Variants in CAMK4 observed in about 807,000 individuals in gnomAD.
CAMK4 encodes calcium/calmodulin-dependent protein kinase type IV.
Under a neutral mutation model 44.9 loss-of-function variants are expected in CAMK4, and 22 were observed. The observed-to-expected ratio is 0.49, with a 90% CI of 0.35 to 0.70. The LOEUF is 0.70. CAMK4 is among the 30% of genes least tolerant of loss of function. The pLI is 0.01. For synonymous variants in CAMK4, 218 were observed against 215.4 expected, an observed-to-expected ratio of 1.01 and a Z score of -0.11; for missense variants, 498 against 586.8, an observed-to-expected ratio of 0.85 and a Z score of 1.56.
At chr5:111,409,563 T>C (rs906632921) in intron 5 of CAMK4, among the ~76,000 whole-genome samples, 2 of 152,222 alleles carry the variant, frequency 1.3e-5, no homozygotes, top group Non-Finnish European at 2.9e-5. Flanking sequence ...GTCTTGGTGA[T>C]TAACATTTGG....
chr5:111,344,687 G>C (rs1433517565), intron 2 of CAMK4, among the ~76,000 whole-genome samples: 2 of 151,632 alleles, frequency 1.3e-5, no homozygotes, highest in East Asian at 3.9e-4. Context: ...AAAAAGGAAG[G>C]TTTTTGTTTT....
At chr5:111,413,656 T>C (rs1207301251) in intron 5 of CAMK4, among the ~76,000 whole-genome samples, 1 of 150,974 alleles carries the variant, frequency 6.6e-6, no homozygotes, top group Non-Finnish European at 1.5e-5. Context: ...AATTTTGAAA[T>C]AGAAAACATG....
intron 5 of CAMK4, among the ~76,000 whole-genome samples, chr5:111,437,181 T>A (rs1753675535): frequency 6.6e-6 from 1 of 152,220 alleles, no homozygotes; most frequent in Non-Finnish European, 1.5e-5. Flanking sequence ...CTAAGAGCCA[T>A]GCTTCTGCTA....
intron 4 of CAMK4, among the ~76,000 whole-genome samples, chr5:111,377,941 C>G (rs1200308153): frequency 2.0e-5 from 3 of 152,028 alleles, no homozygotes; most frequent in African/African-American, 7.2e-5. Flanking sequence ...AATGAATGGA[C>G]TCTGAGGAGA....
At chr5:111,313,443 T>G (rs1430777048) in intron 1 of CAMK4, among the ~76,000 whole-genome samples, 1 of 152,094 alleles carries the variant, frequency 6.6e-6, no homozygotes, top group Non-Finnish European at 1.5e-5. Flanking sequence ...CACACAACTT[T>G]TCTCAAAAAT....
At chr5:111,264,167 G>C (rs964791283) in intron 1 of CAMK4, among the ~76,000 whole-genome samples, 2 of 152,194 alleles carry the variant, frequency 1.3e-5, no homozygotes, top group Non-Finnish European at 2.9e-5. Flanking sequence ...GGGTGGAGTT[G>C]TGTTGTTGTC....
chr5:111,298,542 TTC>T (rs1478348967), intron 1 of CAMK4, among the ~76,000 whole-genome samples: 1 of 152,152 alleles, frequency 6.6e-6, no homozygotes, highest in Non-Finnish European at 1.5e-5. Flanking sequence ...GAGGCCACTG[TTC>T]TCCCCACGTT....
chr5:111,330,052 A>AT (rs200493608), intron 1 of CAMK4, among the ~76,000 whole-genome samples: 3,701 of 150,490 alleles, frequency 0.025, 73 homozygotes, highest in Non-Finnish European at 0.037. Flanking sequence ...GATAAAACAT[A>AT]TTTTTTTTGG....
chr5:111,441,219 C>G (rs960827748), intron 5 of CAMK4, among the ~76,000 whole-genome samples: 2 of 152,152 alleles, frequency 1.3e-5, no homozygotes, highest in African/African-American at 2.4e-5. Context: ...TTAAACAGAA[C>G]TTAGCAGAGA....
At chr5:111,406,064 A>G (rs1265530595) in intron 5 of CAMK4, among the ~76,000 whole-genome samples, 3 of 57,994 alleles carry the variant, frequency 5.2e-5, no homozygotes, top group Admixed American at 3.7e-4. Flanking sequence ...TTAGCATTAC[A>G]TTCTTTTTTT....
chr5:111,353,609 T>G (rs1365701599), intron 2 of CAMK4, among the ~76,000 whole-genome samples: 1 of 152,076 alleles, frequency 6.6e-6, no homozygotes, highest in East Asian at 1.9e-4. Context: ...CTCTAAAGAC[T>G]CCACAAAAGA....
intron 1 of CAMK4, among the ~76,000 whole-genome samples, chr5:111,231,625 T>C (rs1209725810): frequency 6.6e-6 from 1 of 152,212 alleles, no homozygotes; most frequent in East Asian, 1.9e-4. Context: ...AACCAAATGT[T>C]TCTCCCATTT....
intron 5 of CAMK4, among the ~76,000 whole-genome samples, chr5:111,434,230 T>TTGCAG (rs1753565266): frequency 6.7e-6 from 1 of 150,098 alleles, no homozygotes; most frequent in Admixed American, 6.7e-5. Context: ...GAGGCGGAGG[T>TTGCAG]TGCAGTGAGC....
chr5:111,477,126 C>G (rs1162391070), intron 8 of CAMK4, among the ~76,000 whole-genome samples: 1 of 152,152 alleles, frequency 6.6e-6, no homozygotes, highest in Non-Finnish European at 1.5e-5. Flanking sequence ...TGTGCCCTGT[C>G]TCACCTTAGG....
intron 2 of CAMK4, among the ~76,000 whole-genome samples, chr5:111,353,257 A>T (rs940905415): frequency 6.6e-5 from 10 of 152,026 alleles, no homozygotes; most frequent in Admixed American, 5.2e-4. Flanking sequence ...GGTCTTTGTA[A>T]GGTCAGTCTT....
At position 111,414,279 on chromosome 5, in the gene CAMK4, A is replaced by T. The variant is rs77844415; in HGVS notation, c.459+19497A>T. Among the ~76,000 whole-genome samples, 68 of 152,306 alleles carry T rather than the reference A, an allele frequency of 4.5e-4. No homozygotes were observed. The East Asian group carries it at 8.5e-3, about 19-fold the overall frequency. Reference sequence around the variant, plus strand: ...AAAATTTAGTTCTTTGTACCAGTAGATTCTGGCTGCCAAAGCTTTAAGCAA... The same window carrying T: ...AAAATTTAGTTCTTTGTACCAGTAGTTTCTGGCTGCCAAAGCTTTAAGCAA... On this transcript the variant is annotated intron_variant, in intron 5 of 10. Coordinates refer to ENST00000282356, the MANE Select transcript of CAMK4 (RefSeq NM_001744.6).
At chr5:111,356,344 G>T (rs1174007896) in intron 2 of CAMK4, among the ~76,000 whole-genome samples, 4 of 151,734 alleles carry the variant, frequency 2.6e-5, no homozygotes, top group Admixed American at 2.6e-4. Flanking sequence ...ACTTTTTGAT[G>T]GGGTTGTTTG....
intron 5 of CAMK4, among the ~76,000 whole-genome samples, chr5:111,433,606 G>A (rs1260730488): frequency 1.3e-5 from 2 of 152,164 alleles, no homozygotes; most frequent in East Asian, 3.8e-4. Flanking sequence ...CTCCACCTCT[G>A]GATGGGGAAG....
intron 7 of CAMK4, among the ~76,000 whole-genome samples, chr5:111,450,633 C>A (rs920533437): frequency 1.4e-5 from 2 of 139,472 alleles, no homozygotes; most frequent in Non-Finnish European, 3.1e-5. Flanking sequence ...ACTAAAAATG[C>A]AAAAAATAAC....
Sources: allele counts gnomAD v4.1 joint callset (sites outside exome capture counted in the v4.1 genomes callset), GRCh38; gene constraint gnomAD v4.1.1; transcripts MANE v1.5; gene names NCBI Gene and HGNC (gene_info 2026-07-23, HGNC 2026-07-21).